FAAH2: variants seen among roughly 807,000 people sequenced by gnomAD.
The protein encoded by FAAH2 is fatty acid amide hydrolase 2, also known as fatty-acid amide hydrolase 2.
In FAAH2, 60 loss-of-function variants were observed where a neutral mutation model predicts 36.9. The ratio of observed to expected loss-of-function variants is 1.63; its 90% CI spans 1.32 to 2.02. The LOEUF is 2.02. FAAH2 is among the 30% of genes most tolerant of loss of function. FAAH2 has a pLI of 0.00. For synonymous variants in FAAH2, 214 were observed against 143.8 expected, an observed-to-expected ratio of 1.49 and a Z score of -3.49; for missense variants, 689 against 397.5, an observed-to-expected ratio of 1.73 and a Z score of -6.23.
intron 2 of FAAH2, among the ~76,000 whole-genome samples, chrX:57,299,026 C>T (rs927152488): frequency 2.7e-5 from 3 of 111,430 alleles, no homozygotes; most frequent in Non-Finnish European, 5.6e-5. Flanking sequence ...ACCAGAGGTA[C>T]AAGGAGGAGC....
chrX:57,238,146 G>A, the FAAH2 span, among the ~76,000 whole-genome samples: 1 of 111,255 alleles, frequency 9.0e-6, no homozygotes, highest in African/African-American at 3.3e-5. Flanking sequence ...CCCATGACTG[G>A]GTATATATTC....
chrX:57,299,179 T>C (rs1005742375), intron 2 of FAAH2, among the ~76,000 whole-genome samples: 5 of 111,821 alleles, frequency 4.5e-5, no homozygotes, highest in Non-Finnish European at 9.4e-5. Flanking sequence ...CCAATATCCT[T>C]GATGAACATT....
chrX:57,253,873 C>T, the FAAH2 span, among the ~76,000 whole-genome samples: 2 of 111,707 alleles, frequency 1.8e-5, no homozygotes, highest in Non-Finnish European at 3.8e-5. Context: ...AATTAATGGA[C>T]ACAATAACGA....
chrX:57,466,156 C>CTCTCTCTATATATA (rs1287266105), intron 10 of FAAH2, among the ~76,000 whole-genome samples: 157 of 66,376 alleles, frequency 2.4e-3, no homozygotes, highest in Non-Finnish European at 2.9e-3. Flanking sequence ...CTCTCTCTCT[C>CTCTCTCTATATATA]TATATATATA....
chrX:57,344,949 G>A (rs770276667), intron 5 of FAAH2, among the ~76,000 whole-genome samples: 2 of 110,652 alleles, frequency 1.8e-5, no homozygotes, highest in Non-Finnish European at 3.8e-5. Flanking sequence ...CTCAACTGTT[G>A]TGAATTAACA....
At chrX:57,254,109 A>T in the FAAH2 span, among the ~76,000 whole-genome samples, 1 of 111,276 alleles carries the variant, frequency 9.0e-6, no homozygotes, top group Non-Finnish European at 1.9e-5. Context: ...AGCAAAAAAA[A>T]AAGGCAAGGG....
the FAAH2 span, among the ~76,000 whole-genome samples, chrX:57,246,145 G>A: frequency 1.8e-5 from 2 of 111,640 alleles, no homozygotes; most frequent in South Asian, 3.7e-4. Flanking sequence ...TAAATTCCTG[G>A]ACACATAAAC....
the FAAH2 span, among the ~76,000 whole-genome samples, chrX:57,152,424 C>T: frequency 0.56 from 62,167 of 111,543 alleles, 14,587 homozygotes; most frequent in Non-Finnish European, 0.75. Flanking sequence ...CCACCCATTT[C>T]GAGCTTCCCA....
At chrX:57,471,163 G>A (rs1047772358) in intron 10 of FAAH2, among the ~76,000 whole-genome samples, 6 of 111,625 alleles carry the variant, frequency 5.4e-5, no homozygotes, top group African/African-American at 9.8e-5. Flanking sequence ...AAAACTGGAA[G>A]CATTCCCTTT....
the FAAH2 span, among the ~76,000 whole-genome samples, chrX:57,145,913 C>A: frequency 9.0e-6 from 1 of 111,353 alleles, no homozygotes. Context: ...TTCCATTGGT[C>A]TATGTGCCTG....
the FAAH2 span, among the ~76,000 whole-genome samples, chrX:57,194,743 C>A: frequency 3.7e-4 from 41 of 110,689 alleles, no homozygotes; most frequent in Non-Finnish European, 7.4e-4. Flanking sequence ...CCTACTCCCC[C>A]CCTTCCACTC....
At chrX:57,373,852 G>T (rs1180376330) in intron 5 of FAAH2, among the ~76,000 whole-genome samples, 1 of 111,707 alleles carries the variant, frequency 9.0e-6, no homozygotes, top group Non-Finnish European at 1.9e-5. Context: ...ATAGTTTCAG[G>T]TCTTAGATTT....
chrX:57,339,223 G>C (rs2053629137), intron 4 of FAAH2, among the ~76,000 whole-genome samples: 1 of 112,180 alleles, frequency 8.9e-6, no homozygotes, highest in South Asian at 3.7e-4. Context: ...GCAGAAAGTT[G>C]AAACTGGACC....
the FAAH2 span, among the ~76,000 whole-genome samples, chrX:57,159,018 G>A: frequency 8.9e-6 from 1 of 112,159 alleles, no homozygotes; most frequent in Non-Finnish European, 1.9e-5. Context: ...ATTAATTTTC[G>A]TATAAGGTGT....
the FAAH2 span, among the ~76,000 whole-genome samples, chrX:57,156,971 C>T: frequency 3.1e-4 from 35 of 112,266 alleles, no homozygotes; most frequent in African/African-American, 1.1e-3. Context: ...CGAATCCAGC[C>T]AGAACTTGTT....
the FAAH2 span, among the ~76,000 whole-genome samples, chrX:57,236,823 A>G: frequency 9.0e-6 from 1 of 111,212 alleles, no homozygotes; most frequent in East Asian, 2.8e-4. Flanking sequence ...TGCTCTGTTC[A>G]TTGTATCTTT....
the FAAH2 span, among the ~76,000 whole-genome samples, chrX:57,235,891 C>T: frequency 9.4e-6 from 1 of 106,939 alleles, no homozygotes; most frequent in African/African-American, 3.6e-5. Context: ...AATATACAAA[C>T]ATATTTATTA....
At chrX:57,195,281 T>A in the FAAH2 span, among the ~76,000 whole-genome samples, 49,284 of 110,536 alleles carry the variant, frequency 0.45, 10,921 homozygotes, top group African/African-American at 0.86. Context: ...CTATTTTTTT[T>A]AAATTTTTAA....
chrX:57,246,775 G>A, the FAAH2 span, among the ~76,000 whole-genome samples: 1 of 111,632 alleles, frequency 9.0e-6, no homozygotes, highest in Admixed American at 9.5e-5. Context: ...TTCTTGACAT[G>A]GTGAGTATGC....
Sources: gnomAD v4.1 joint callset for allele counts (sites outside exome capture counted in the v4.1 genomes callset) on GRCh38, gnomAD v4.1.1 for gene constraint, MANE v1.5 for transcripts, NCBI Gene and HGNC (gene_info 2026-07-23, HGNC 2026-07-21) for gene names.